The following RAB27B variants were observed in gnomAD, a reference collection of about 807,000 sequenced individuals.
The protein encoded by RAB27B is RAB27B, member RAS oncogene family.
Under a neutral mutation model 24.6 loss-of-function variants are expected in RAB27B, and 15 were observed. The observed-to-expected ratio is 0.61, with a 90% CI of 0.41 to 0.94. The LOEUF (loss-of-function observed/expected upper bound fraction) is 0.94, where lower values mean the gene tolerates loss of function less well. RAB27B is among the 40% of genes least tolerant of loss of function. The probability of loss-of-function intolerance (pLI) is 0.00; values close to 1 mark genes in which losing one functional copy is unlikely to be tolerated. For synonymous variants in RAB27B, 105 were observed against 92.5 expected (o/e 1.14, Z -0.78); for missense variants, 261 against 266.8 (o/e 0.98, Z 0.15).
In RAB27B at chr18:54,814,649, G is replaced by A. The variant is rs554722304; in HGVS notation, c.-19-62918G>A. Among the ~76,000 whole-genome samples, 4 of 152,138 alleles carry A rather than the reference G, an allele frequency of 2.6e-5. No individual in the cohort carries two copies. The East Asian group carries it at 7.7e-4, about 29-fold the overall frequency. Reference sequence around the variant, plus strand: ...TCTTCTGTAGATGATAAAAAGGCAAGGTTTGTTAAGCATATATTTTTATCT... The same window carrying A: ...TCTTCTGTAGATGATAAAAAGGCAAAGTTTGTTAAGCATATATTTTTATCT... On this transcript the variant is annotated intron_variant, in intron 2 of 4. Transcript: ENST00000586570.
upstream of RAB27B, among the ~76,000 whole-genome samples, chr18:54,826,942 A>C (rs909015378): frequency 2.6e-5 from 4 of 152,240 alleles, no homozygotes; most frequent in African/African-American, 9.6e-5. Context: ...AGTAGTGAAC[A>C]CATGAACTAG....
intron 2 of RAB27B, among the ~76,000 whole-genome samples, chr18:54,775,007 C>T (rs1205071262): frequency 6.6e-6 from 1 of 152,198 alleles, no homozygotes; most frequent in Non-Finnish European, 1.5e-5. Context: ...CAAAAAAAGC[C>T]TGTGTGCTGT....
chr18:54,750,172 C>A (rs1907785507), intron 2 of RAB27B, among the ~76,000 whole-genome samples: 1 of 152,138 alleles, frequency 6.6e-6, no homozygotes, highest in Non-Finnish European at 1.5e-5. Flanking sequence ...CTGCTTCCTT[C>A]CATTTTTTAT....
intron 1 of RAB27B, among the ~76,000 whole-genome samples, chr18:54,849,159 A>G (rs1911454470): frequency 1.3e-5 from 2 of 151,802 alleles, no homozygotes; most frequent in African/African-American, 4.8e-5. Context: ...GCCTGCCTGA[A>G]CCTCCATGGG....
Position 54,849,960 on chromosome 18 carries a change from G to A in RAB27B, c.-20+21260G>A, listed in dbSNP as rs146259372. ...AAAAGGAAAAATTAGCTAAAGGTAG[G>A]CTCGAGTTAGAAACTTAATCTAACT... On this transcript the variant is annotated intron_variant, in intron 1 of 5. Transcript: ENST00000262094. 7.1e-3 allele frequency among the ~76,000 whole-genome samples: 1,078 copies of A among 151,998 alleles called. 7 individuals carry two copies. The highest frequency in any genetic ancestry group is 0.01 in the Non-Finnish European group (684 of 67,966).
intron 2 of RAB27B, among the ~76,000 whole-genome samples, chr18:54,814,760 T>C (rs1015651751): frequency 2.0e-5 from 3 of 152,344 alleles, no homozygotes; most frequent in South Asian, 4.1e-4. Flanking sequence ...TGAATAGATA[T>C]ATTTCAACAT....
intron 2 of RAB27B, among the ~76,000 whole-genome samples, chr18:54,751,671 C>A (rs1464016581): frequency 6.6e-6 from 1 of 152,136 alleles, no homozygotes; most frequent in African/African-American, 2.4e-5. Context: ...GACTCTATTT[C>A]TCTGAGAATA....
At position 54,791,457 on chromosome 18, in the gene RAB27B, C is replaced by A. The variant is rs192948470; in HGVS notation, c.-20+73316C>A. ...GGGTGTGGTGGAACACGCCTGTAGT[C>A]CCAGCTACTCAGAAAGCTGAGGCAG... is the stretch of plus-strand genomic sequence containing the variant. On this transcript the variant is annotated intron_variant, in intron 2 of 4. Transcript: ENST00000586570. 5.9e-5 allele frequency among the ~76,000 whole-genome samples: 9 copies of A among 152,240 alleles called. No individual in the cohort carries two copies. The East Asian group carries it at 1.7e-3, about 30-fold the overall frequency.
chr18:54,746,672 TCTTTA>T (rs61160604), intron 2 of RAB27B, among the ~76,000 whole-genome samples: 9,441 of 152,228 alleles, frequency 0.062, 368 homozygotes, highest in Admixed American at 0.086. Flanking sequence ...CTGCTGTCCT[TCTTTA>T]CTTTAATTAG....
chr18:54,728,899 AACCC>A (rs1909632589), intron 2 of RAB27B, among the ~76,000 whole-genome samples: 1 of 91,242 alleles, frequency 1.1e-5, no homozygotes, highest in African/African-American at 3.7e-5. Context: ...AAAAAAAAAA[AACCC>A]AAAAAAAAAA....
chr18:54,754,749 C>G (rs975807654), intron 2 of RAB27B, among the ~76,000 whole-genome samples: 6 of 152,178 alleles, frequency 3.9e-5, no homozygotes, highest in South Asian at 2.1e-4. Context: ...CAAAGCATAA[C>G]TATAATTATC....
chr18:54,847,054 T>C (rs1168216706), intron 1 of RAB27B, among the ~76,000 whole-genome samples: 1 of 152,160 alleles, frequency 6.6e-6, no homozygotes, highest in Non-Finnish European at 1.5e-5. Flanking sequence ...TTTCACTATG[T>C]TGGCCAGGCT....
chr18:54,818,063 T>C (rs1402562097), intron 2 of RAB27B, among the ~76,000 whole-genome samples: 2 of 152,192 alleles, frequency 1.3e-5, no homozygotes, highest in Admixed American at 6.5e-5. Flanking sequence ...GCTTTCTTGT[T>C]ATCCAAATCT....
intron 2 of RAB27B, among the ~76,000 whole-genome samples, chr18:54,792,377 C>A (rs1024600162): frequency 6.6e-5 from 10 of 152,172 alleles, no homozygotes; most frequent in African/African-American, 1.9e-4. Flanking sequence ...GCCTAAGCAA[C>A]AGAGCAAGAT....
chr18:54,797,318 G>A (rs1391080668), intron 2 of RAB27B, among the ~76,000 whole-genome samples: 1 of 152,094 alleles, frequency 6.6e-6, no homozygotes, highest in African/African-American at 2.4e-5. Context: ...CTGAGGTTAG[G>A]AATTCAAGAC....
chr18:54,729,422 A>T (rs575464895), intron 2 of RAB27B, among the ~76,000 whole-genome samples: 1 of 152,324 alleles, frequency 6.6e-6, no homozygotes, highest in Admixed American at 6.5e-5. Flanking sequence ...TCTAGAAAGG[A>T]GCCTACATCC....
chr18:54,802,359 A>T (rs913538787), intron 2 of RAB27B, among the ~76,000 whole-genome samples: 1 of 152,094 alleles, frequency 6.6e-6, no homozygotes, highest in Non-Finnish European at 1.5e-5. Context: ...CACTGTTGCC[A>T]TAGCTTTTCC....
At chr18:54,820,447 G>A (rs1201801911) in intron 2 of RAB27B, among the ~76,000 whole-genome samples, 2 of 152,156 alleles carry the variant, frequency 1.3e-5, no homozygotes, top group Non-Finnish European at 2.9e-5. Flanking sequence ...CATATCGTTT[G>A]CCCACTTTTT....
intron 2 of RAB27B, among the ~76,000 whole-genome samples, chr18:54,777,555 T>C (rs1268702066): frequency 6.6e-6 from 1 of 152,242 alleles, no homozygotes; most frequent in Admixed American, 6.5e-5. Context: ...AGCATGGAAA[T>C]GATTTACCTT....
Sources: allele counts gnomAD v4.1 joint callset (sites outside exome capture counted in the v4.1 genomes callset), GRCh38; gene constraint gnomAD v4.1.1; transcripts MANE v1.5; gene names NCBI Gene and HGNC (gene_info 2026-07-23, HGNC 2026-07-21).